Variants in SNTG2 observed in about 807,000 individuals in gnomAD.
The protein encoded by SNTG2 is gamma-2-syntrophin.
A neutral mutation model predicts 70.9 loss-of-function variants in SNTG2; 74 were observed. The observed-to-expected ratio is 1.04, with a 90% confidence interval of 0.86 to 1.27. SNTG2 has a LOEUF of 1.27. Ranked by LOEUF, SNTG2 falls within the 50% of genes most tolerant of loss-of-function variation. SNTG2 has a pLI of 0.00. For synonymous variants in SNTG2, 278 were observed against 273.8 expected, an observed-to-expected ratio of 1.02 and a Z score of -0.15; for missense variants, 717 against 690.7, an observed-to-expected ratio of 1.04 and a Z score of -0.43.
intron 11 of SNTG2, among the ~76,000 whole-genome samples, chr2:1,241,549 A>G (rs34295200): frequency 0.11 from 14,662 of 139,286 alleles, 786 homozygotes; most frequent in South Asian, 0.16. Context: ...GTATACATGT[A>G]CCATGTGGTG....
chr2:1,015,674 C>G (rs537557232), intron 1 of SNTG2, among the ~76,000 whole-genome samples: 2 of 152,146 alleles, frequency 1.3e-5, no homozygotes, highest in Non-Finnish European at 2.9e-5. Context: ...AAAAATAAAA[C>G]GTGTTAAACC....
At chr2:1,007,101 G>GT (rs1357478334) in intron 1 of SNTG2, among the ~76,000 whole-genome samples, 1 of 152,064 alleles carries the variant, frequency 6.6e-6, no homozygotes, top group African/African-American at 2.4e-5. Context: ...AGGTGCATGG[G>GT]TTTTTTGCAA....
chr2:1,026,613 G>A (rs923999318), intron 1 of SNTG2, among the ~76,000 whole-genome samples: 1 of 152,136 alleles, frequency 6.6e-6, no homozygotes, highest in East Asian at 1.9e-4. Context: ...TGAAATTGTT[G>A]ACAACCCTGC....
At chr2:1,297,053 A>G (rs1680248390) in intron 14 of SNTG2, among the ~76,000 whole-genome samples, 1 of 152,138 alleles carries the variant, frequency 6.6e-6, no homozygotes, top group South Asian at 2.1e-4. Flanking sequence ...TTTCAGGGGC[A>G]TGTCCTTTAT....
chr2:998,254 C>T (rs1196392764), intron 1 of SNTG2, among the ~76,000 whole-genome samples: 1 of 152,074 alleles, frequency 6.6e-6, no homozygotes, highest in African/African-American at 2.4e-5. Flanking sequence ...AGTATTACAG[C>T]AGCCCCCAAA....
intron 14 of SNTG2, among the ~76,000 whole-genome samples, chr2:1,303,676 T>C (rs1465256523): frequency 6.6e-6 from 1 of 152,154 alleles, no homozygotes; most frequent in Non-Finnish European, 1.5e-5. Flanking sequence ...GAGCTGTTTC[T>C]TTGAAGATAT....
rs184236062 is a variant in SNTG2, at chr2:1,362,870, A to T, written c.1489-4473A>T. ...AGTTACCAATGCTGAGCATTTCAGT[A>T]GAACTTCCATGAAAGTCACCAACGC... On this transcript the variant is annotated intron_variant, in intron 16 of 16. Transcript: ENST00000308624. Among the ~76,000 whole-genome samples, 539 of 152,334 alleles carry T rather than the reference A, an allele frequency of 3.5e-3. 2 individuals are homozygous for T. The highest frequency in any genetic ancestry group is 0.012 in the African/African-American group (499 of 41,554).
intron 1 of SNTG2, among the ~76,000 whole-genome samples, chr2:994,974 A>G (rs1373666209): frequency 6.6e-6 from 1 of 151,484 alleles, no homozygotes; most frequent in Non-Finnish European, 1.5e-5. Flanking sequence ...GATTTCTTAA[A>G]ATTTTCTAAG....
intron 1 of SNTG2, among the ~76,000 whole-genome samples, chr2:1,054,771 C>A (rs2148090744): frequency 6.6e-6 from 1 of 152,194 alleles, no homozygotes; most frequent in African/African-American, 2.4e-5. Flanking sequence ...TTTGGATTTT[C>A]AAAGAGGTAC....
chr2:1,155,478 C>G (rs1274981307), intron 6 of SNTG2, among the ~76,000 whole-genome samples: 1 of 57,204 alleles, frequency 1.7e-5, no homozygotes, highest in African/African-American at 4.6e-5. Flanking sequence ...ATTCCGTCTA[C>G]CAGAGAAATA....
intron 1 of SNTG2, among the ~76,000 whole-genome samples, chr2:970,693 AG>A (rs1660710212): frequency 6.8e-6 from 1 of 147,702 alleles, no homozygotes; most frequent in Non-Finnish European, 1.5e-5. Context: ...GTTGGTTCCA[AG>A]TCTTTGCTAT....
chr2:951,450 G>A (rs1195414823), intron 1 of SNTG2, among the ~76,000 whole-genome samples: 1 of 152,110 alleles, frequency 6.6e-6, no homozygotes, highest in Admixed American at 6.5e-5. Context: ...GCGGTGGCTC[G>A]GACCGGAGCG....
chr2:1,337,789 T>A (rs555755282), intron 16 of SNTG2, among the ~76,000 whole-genome samples: 6 of 152,324 alleles, frequency 3.9e-5, no homozygotes, highest in African/African-American at 1.2e-4. Context: ...AAACCCAATG[T>A]CATAAGTGTT....
intron 14 of SNTG2, among the ~76,000 whole-genome samples, chr2:1,276,136 A>T (rs1338664305): frequency 5.9e-5 from 9 of 152,254 alleles, no homozygotes; most frequent in Non-Finnish European, 1.2e-4. Flanking sequence ...TGCAAAGTGA[A>T]GCAGCAAGTG....
At chr2:987,013 G>A (rs1661346710) in intron 1 of SNTG2, among the ~76,000 whole-genome samples, 1 of 152,220 alleles carries the variant, frequency 6.6e-6, no homozygotes, top group African/African-American at 2.4e-5. Flanking sequence ...TGTGTTTGAA[G>A]TGTTGCTCAT....
intron 8 of SNTG2, 57 bp from the exon 9 acceptor site, chr2:1,209,046 C>CCCCG: frequency 6.3e-7 from 1 of 1,596,914 alleles, no homozygotes; most frequent in South Asian, 1.1e-5. Context: ...AGATGCCTCT[C>CCCCG]CCCGCATGCA....
intron 2 of SNTG2, among the ~76,000 whole-genome samples, chr2:1,092,716 C>T (rs537349994): frequency 6.6e-6 from 1 of 152,266 alleles, no homozygotes; most frequent in Admixed American, 6.5e-5. Context: ...TATATACCCC[C>T]AAACCACTTT....
At chr2:1,067,364 A>T (rs1432537928) in intron 1 of SNTG2, among the ~76,000 whole-genome samples, 1 of 152,242 alleles carries the variant, frequency 6.6e-6, no homozygotes, top group Non-Finnish European at 1.5e-5. Flanking sequence ...ACCATACATT[A>T]CAAAAACATA....
At chr2:1,367,207 A>T (rs1003750347) in intron 16 of SNTG2, 136 bp from the exon 17 acceptor site, 4 of 808,468 alleles carry the variant, frequency 4.9e-6, no homozygotes, top group Middle Eastern at 3.6e-4. Context: ...ACTTTAAACC[A>T]TACATATTTC....
Sources: gnomAD v4.1 joint callset for allele counts (sites outside exome capture counted in the v4.1 genomes callset) on GRCh38, gnomAD v4.1.1 for gene constraint, MANE v1.5 for transcripts, NCBI Gene and HGNC (gene_info 2026-07-23, HGNC 2026-07-21) for gene names.